Variants in LHPP observed in about 807,000 individuals in gnomAD.
The protein encoded by LHPP is phospholysine phosphohistidine inorganic pyrophosphate phosphatase, also known as hLHPP.
LHPP carries 24 observed loss-of-function variants against 30.3 expected under a neutral mutation model. The observed-to-expected ratio is 0.79, with a 90% CI of 0.57 to 1.11. The LOEUF (loss-of-function observed/expected upper bound fraction) is 1.11. Among genes scored for constraint, LHPP ranks in the 50% most tolerant of loss-of-function variants. The pLI, the probability that LHPP is intolerant of heterozygous loss-of-function variation, is 0.00. For missense variants in LHPP, 356 were observed against 367.2 expected (o/e 0.97, Z 0.25); for synonymous variants, 150 against 157.1 (o/e 0.95, Z 0.34).
chr10:124,565,608 G>A (rs573527971), intron 6 of LHPP, among the ~76,000 whole-genome samples: 25 of 152,294 alleles, frequency 1.6e-4, no homozygotes, highest in East Asian at 7.7e-4. Flanking sequence ...TGTTCAGGAC[G>A]GAGCCTGACA....
intron 6 of LHPP, among the ~76,000 whole-genome samples, chr10:124,564,447 T>A (rs1203219352): frequency 6.7e-6 from 1 of 150,042 alleles, no homozygotes; most frequent in East Asian, 2.0e-4. Context: ...TAGAGACGAG[T>A]CTCACTGTGG....
At chr10:124,556,717 C>T (rs189740795) in intron 6 of LHPP, among the ~76,000 whole-genome samples, 291 of 152,260 alleles carry the variant, frequency 1.9e-3, no homozygotes, top group African/African-American at 6.8e-3. Context: ...TTTTAAAACG[C>T]GCCTCCATCA....
chr10:124,484,527 G>A (rs969452762), intron 2 of LHPP, among the ~76,000 whole-genome samples: 2 of 151,854 alleles, frequency 1.3e-5, no homozygotes, highest in Admixed American at 6.6e-5. Context: ...TCCATTCCTT[G>A]GCCTCACACC....
chr10:124,585,466 T>G (rs907546156), intron 6 of LHPP, among the ~76,000 whole-genome samples: 6 of 150,752 alleles, frequency 4.0e-5, no homozygotes, highest in African/African-American at 1.5e-4. Context: ...ATACAAAAAA[T>G]TAGCCAGGCA....
intron 5 of LHPP, among the ~76,000 whole-genome samples, chr10:124,513,605 C>T (rs935039527): frequency 4.7e-5 from 7 of 150,150 alleles, no homozygotes; most frequent in African/African-American, 1.7e-4. Context: ...TCTGGGATTA[C>T]AGGTGCATGC....
Position 124,517,208 on chromosome 10 carries a change from G to A in LHPP, c.653G>A (p.Gly218Asp). Residue 218 changes from glycine (G) to aspartate (D), a missense_variant, in exon 6 of 7, where the codon GGC becomes GAC. Gly to Asp is a moderately conservative substitution (Grantham distance 94). Coordinates refer to ENST00000368842, the MANE Select transcript of LHPP (RefSeq NM_022126.4). The surrounding 1 kb of genome is among the most constrained non-coding windows in gnomAD (Gnocchi z 4.1). Reference protein sequence around the residue: ...QAVMIGDDIVGDVGGAQRCGM... With the variant: ...QAVMIGDDIVDDVGGAQRCGM... Reference sequence around the variant, plus strand: ...GTCATGATTGGGGACGATATCGTGGGCGACGTCGGCGGTGCCCAGCGGTGT... The same window carrying A: ...GTCATGATTGGGGACGATATCGTGGACGACGTCGGCGGTGCCCAGCGGTGT... 6.2e-7 allele frequency: 1 copy of A among 1,606,606 alleles called. No homozygotes were observed. The highest frequency in any genetic ancestry group is 8.5e-7 in the Non-Finnish European group (1 of 1,176,850).
intron 6 of LHPP, among the ~76,000 whole-genome samples, chr10:124,587,511 C>T (rs1283865805): frequency 2.6e-5 from 4 of 151,234 alleles, no homozygotes; most frequent in Admixed American, 1.3e-4. Context: ...GAGGCCGAGA[C>T]GGGCGGATCA....
At chr10:124,522,440 G>A (rs1015082051) in intron 6 of LHPP, among the ~76,000 whole-genome samples, 1 of 152,184 alleles carries the variant, frequency 6.6e-6, no homozygotes. Context: ...TCCTCATGAT[G>A]CCATGAGTCC....
At chr10:124,494,828 C>T (rs1953656428) in intron 3 of LHPP, among the ~76,000 whole-genome samples, 1 of 152,220 alleles carries the variant, frequency 6.6e-6, no homozygotes, top group South Asian at 2.1e-4. Context: ...GCTTCCCCAC[C>T]AGACTGTGAG....
At position 124,517,062 on chromosome 10, in the gene LHPP, G is replaced by A. The variant is rs761458663; in HGVS notation, c.625-118G>A. 1.1e-5 allele frequency: 7 copies of A among 633,796 alleles called. No homozygotes were observed. The highest frequency in any genetic ancestry group is 1.9e-5 in the Non-Finnish European group (7 of 371,864). 39.3% of individuals were successfully genotyped at this position (633,796 alleles called of 1,614,324 possible). On this transcript the variant is annotated intron_variant, in intron 5 of 6. Coordinates refer to ENST00000368842, the MANE Select transcript of LHPP (RefSeq NM_022126.4). The surrounding 1 kb of genome is among the most constrained non-coding windows in gnomAD (Gnocchi z 4.1). ...ATGACAATATTATCTTGTTTAATTT[G>A]TATGATGGTGGTTGTAAACATCAAA... is the stretch of plus-strand genomic sequence containing the variant.
At chr10:124,546,612 A>T (rs113190697) in intron 6 of LHPP, among the ~76,000 whole-genome samples, 2 of 151,810 alleles carry the variant, frequency 1.3e-5, no homozygotes, top group Non-Finnish European at 1.5e-5. Context: ...GGGTTTCACC[A>T]TGTTAGCCAG....
chr10:124,527,511 C>G (rs1328858219), intron 6 of LHPP, among the ~76,000 whole-genome samples: 1 of 152,224 alleles, frequency 6.6e-6, no homozygotes, highest in Non-Finnish European at 1.5e-5. Context: ...GGACAAGGCC[C>G]CCTACTCCAG....
At chr10:124,508,765 T>C (rs1954227193) in intron 5 of LHPP, among the ~76,000 whole-genome samples, 1 of 152,212 alleles carries the variant, frequency 6.6e-6, no homozygotes, top group South Asian at 2.1e-4. Flanking sequence ...TGCTTGATCT[T>C]GCCAATTTTT....
At chr10:124,464,188 C>G (rs1490668357) in intron 1 of LHPP, among the ~76,000 whole-genome samples, 1 of 152,194 alleles carries the variant, frequency 6.6e-6, no homozygotes, top group African/African-American at 2.4e-5. Flanking sequence ...GTTGGCATCC[C>G]AGGTCAGCAC....
At chr10:124,487,710 C>T (rs1255074053) in intron 2 of LHPP, among the ~76,000 whole-genome samples, 1 of 152,106 alleles carries the variant, frequency 6.6e-6, no homozygotes, top group Non-Finnish European at 1.5e-5. Context: ...TCCCAAAGTG[C>T]TGGGATTACA....
At chr10:124,599,059 C>T (rs1275467519) in intron 6 of LHPP, among the ~76,000 whole-genome samples, 3 of 151,724 alleles carry the variant, frequency 2.0e-5, no homozygotes, top group African/African-American at 7.3e-5. Flanking sequence ...CCCTGTCCAT[C>T]CATCCACTCA....
At chr10:124,579,801 C>A (rs1306408794) in intron 6 of LHPP, among the ~76,000 whole-genome samples, 1 of 152,186 alleles carries the variant, frequency 6.6e-6, no homozygotes, top group Non-Finnish European at 1.5e-5. Context: ...GAAGAGCTCG[C>A]TGGAGCAAAC....
chr10:124,577,564 A>T (rs1437866442), intron 6 of LHPP, among the ~76,000 whole-genome samples: 1 of 143,034 alleles, frequency 7.0e-6, no homozygotes, highest in East Asian at 2.2e-4. Flanking sequence ...AGGTAACCTT[A>T]GAGGCCTGGC....
intron 5 of LHPP, among the ~76,000 whole-genome samples, chr10:124,515,605 G>A (rs778859570): frequency 1.8e-4 from 28 of 152,116 alleles, no homozygotes; most frequent in East Asian, 5.8e-4. Flanking sequence ...AAAGAATTTC[G>A]AACTTTGTTG....
Sources: gnomAD v4.1 joint callset for allele counts (sites outside exome capture counted in the v4.1 genomes callset) on GRCh38, gnomAD v4.1.1 for gene constraint, Gnocchi (gnomAD v3.1) non-coding constraint, MANE v1.5 for transcripts, NCBI Gene and HGNC (gene_info 2026-07-23, HGNC 2026-07-21) for gene names.